FRMPD4: variants seen among roughly 807,000 people sequenced by gnomAD.
FRMPD4 encodes FERM and PDZ domain-containing protein 4.
FRMPD4 carries 22 observed loss-of-function variants against 94.1 expected under a neutral mutation model. The ratio of observed to expected loss-of-function variants is 0.23; its 90% CI spans 0.17 to 0.33. The LOEUF (loss-of-function observed/expected upper bound fraction) is 0.33, where lower values mean the gene tolerates loss of function less well. Ranked by LOEUF, FRMPD4 falls within the 10% of genes least tolerant of loss-of-function variation. The pLI is 1.00. For missense variants in FRMPD4, 1,111 were observed against 1,339.9 expected, an observed-to-expected ratio of 0.83 and a Z score of 2.67; for synonymous variants, 631 against 548.6, an observed-to-expected ratio of 1.15 and a Z score of -2.10.
At chrX:12,671,429 T>A (rs141547498) in intron 4 of FRMPD4, among the ~76,000 whole-genome samples, 1 of 111,415 alleles carries the variant, frequency 9.0e-6, no homozygotes, top group South Asian at 3.8e-4. Context: ...GTTCATGTCC[T>A]TTGCAGGGAC....
At chrX:12,439,369 C>T (rs768026087) in intron 1 of FRMPD4, among the ~76,000 whole-genome samples, 8 of 111,614 alleles carry the variant, frequency 7.2e-5, no homozygotes, top group Non-Finnish European at 1.3e-4. Flanking sequence ...CAGACTAACA[C>T]GTTAGCTTGC....
intron 4 of FRMPD4, among the ~76,000 whole-genome samples, chrX:12,621,356 A>T (rs2148433975): frequency 8.9e-6 from 1 of 111,988 alleles, no homozygotes; most frequent in South Asian, 3.9e-4. Context: ...ACACCACAAA[A>T]GGAAACTATT....
Position 12,406,499 on chromosome X carries a change from T to C in FRMPD4, c.42-92181T>C, listed in dbSNP as rs1451557031. Among the ~76,000 whole-genome samples the C allele has an allele frequency of 2.7e-5, 3 of 112,283 alleles. No individual in the cohort carries two copies. In the Admixed American group the frequency reaches 2.8e-4, roughly 11 times the overall value. On this transcript the variant is annotated intron_variant, in intron 1 of 16. Coordinates refer to ENST00000675598, the MANE Select transcript of FRMPD4 (RefSeq NM_001368397.1). Reference sequence around the variant, plus strand: ...ATATCCTCACCACAGTCTCTTGCCCTTGGGGCAATGCAGCCCTCTCTCCCT... The same window carrying C: ...ATATCCTCACCACAGTCTCTTGCCCCTGGGGCAATGCAGCCCTCTCTCCCT...
At chrX:12,030,588 C>T (rs1477995886) in intron 3 of FRMPD4, among the ~76,000 whole-genome samples, 1 of 111,904 alleles carries the variant, frequency 8.9e-6, no homozygotes, top group Non-Finnish European at 1.9e-5. Flanking sequence ...GGCAACAAAC[C>T]ACAGGCATCT....
At chrX:12,570,958 A>G (rs1272729472) in intron 2 of FRMPD4, among the ~76,000 whole-genome samples, 1 of 112,545 alleles carries the variant, frequency 8.9e-6, no homozygotes, top group African/African-American at 3.2e-5. Context: ...TATTTTCAGA[A>G]CTTGGTTAAT....
chrX:12,520,652 A>G (rs1364173156), intron 2 of FRMPD4, among the ~76,000 whole-genome samples: 1 of 111,915 alleles, frequency 8.9e-6, no homozygotes, highest in Non-Finnish European at 1.9e-5. Context: ...TTTGAGTTTC[A>G]TCCCTGATAT....
chrX:12,552,459 A>G (rs1437646157), intron 2 of FRMPD4, among the ~76,000 whole-genome samples: 1 of 111,374 alleles, frequency 9.0e-6, no homozygotes, highest in Non-Finnish European at 1.9e-5. Context: ...TCTCAACATA[A>G]TACCTCAACA....
intron 1 of FRMPD4, among the ~76,000 whole-genome samples, chrX:12,388,054 G>T (rs1481746535): frequency 9.1e-6 from 1 of 110,235 alleles, no homozygotes; most frequent in African/African-American, 3.3e-5. Flanking sequence ...CTGTCATACA[G>T]TATGGTGACA....
At chrX:12,085,868 CA>C (rs1198680794) in intron 3 of FRMPD4, among the ~76,000 whole-genome samples, 2 of 110,529 alleles carry the variant, frequency 1.8e-5, no homozygotes, top group South Asian at 3.8e-4. Context: ...AATTCTGTCT[CA>C]AAAAAAAATT....
At chrX:12,126,722 C>G (rs857360) in intron 3 of FRMPD4, among the ~76,000 whole-genome samples, 11,951 of 111,307 alleles carry the variant, frequency 0.11, 584 homozygotes, top group African/African-American at 0.18. Context: ...TTCGGTTTCT[C>G]CCTTCCATTA....
chrX:11,933,320 C>G (rs2054132375), intron 3 of FRMPD4, among the ~76,000 whole-genome samples: 1 of 112,203 alleles, frequency 8.9e-6, no homozygotes, highest in Admixed American at 9.5e-5. Flanking sequence ...CTTTGCAACA[C>G]TCCTCAGGAA....
chrX:12,632,970 A>C (rs1371492737), intron 4 of FRMPD4, among the ~76,000 whole-genome samples: 1 of 112,289 alleles, frequency 8.9e-6, no homozygotes, highest in Non-Finnish European at 1.9e-5. Flanking sequence ...TTCTAAAAAG[A>C]GAAAAGGAAG....
rs1001296423 is a variant in FRMPD4, at chrX:12,138,626, C to T, written c.-346C>T. ...CCCAGGCCTCGCTTTCTCTGGACGCCCGGCAGTCCCCGGGGCTAGAGCGCA... is the reference window on the plus strand; with the variant it reads ...CCCAGGCCTCGCTTTCTCTGGACGCTCGGCAGTCCCCGGGGCTAGAGCGCA... On this transcript the variant is annotated 5_prime_UTR_variant, in exon 1 of 17. Transcript: ENST00000675598. 3.5e-6 allele frequency: 1 copy of T among 287,941 alleles called. No individual in the cohort carries two copies. Among genetic ancestry groups the T allele is most frequent in the Non-Finnish European group, 6.1e-6 (1 of 164,439 alleles). The allele number at this position is 287,941 out of a possible 1,213,427, so 23.7% of individuals were successfully genotyped here.
At chrX:12,419,334 G>C (rs941862172) in intron 1 of FRMPD4, among the ~76,000 whole-genome samples, 1 of 111,908 alleles carries the variant, frequency 8.9e-6, no homozygotes, top group African/African-American at 3.3e-5. Context: ...ACTGTCATCT[G>C]TCGAGCAATG....
chrX:12,553,466 A>ATCTCTC (rs59865950), intron 2 of FRMPD4, among the ~76,000 whole-genome samples: 1 of 78,095 alleles, frequency 1.3e-5, no homozygotes, highest in Non-Finnish European at 2.3e-5. Flanking sequence ...ATATATATAT[A>ATCTCTC]TCTAATCCAC....
intron 3 of FRMPD4, among the ~76,000 whole-genome samples, chrX:12,058,069 T>C (rs2054864489): frequency 9.0e-6 from 1 of 111,501 alleles, no homozygotes; most frequent in Non-Finnish European, 1.9e-5. Flanking sequence ...TTGTAGTAAA[T>C]AATTTTTAGG....
chrX:12,242,533 A>G (rs1221202492), intron 1 of FRMPD4, among the ~76,000 whole-genome samples: 3 of 112,376 alleles, frequency 2.7e-5, no homozygotes, highest in Non-Finnish European at 5.6e-5. Flanking sequence ...TAGAACAAAA[A>G]TTGCCAAACT....
intron 1 of FRMPD4, among the ~76,000 whole-genome samples, chrX:12,171,594 G>C (rs1485398950): frequency 1.8e-5 from 2 of 111,509 alleles, no homozygotes; most frequent in Admixed American, 9.5e-5. Flanking sequence ...ATAAAAGCCA[G>C]AGTTGTAGTG....
At chrX:12,083,915 C>T (rs925064078) in intron 3 of FRMPD4, among the ~76,000 whole-genome samples, 1 of 111,967 alleles carries the variant, frequency 8.9e-6, no homozygotes, top group Non-Finnish European at 1.9e-5. Context: ...AAGTAACTAG[C>T]TTGCTTTTGA....
Sources: allele counts gnomAD v4.1 joint callset (sites outside exome capture counted in the v4.1 genomes callset), GRCh38; gene constraint gnomAD v4.1.1; transcripts MANE v1.5; gene names NCBI Gene and HGNC (gene_info 2026-07-23, HGNC 2026-07-21).